The following ACKR3 variants were observed in gnomAD, a reference collection of about 807,000 sequenced individuals.
ACKR3 encodes C-X-C chemokine receptor type 7.
A neutral mutation model predicts 22.4 loss-of-function variants in ACKR3; 6 were observed. The observed-to-expected ratio is 0.27, with a 90% CI of 0.15 to 0.53. The LOEUF (loss-of-function observed/expected upper bound fraction) is 0.53. ACKR3 is among the 20% of genes least tolerant of loss of function. The pLI is 0.96. For synonymous variants in ACKR3, 209 were observed against 205.2 expected, an observed-to-expected ratio of 1.02 and a Z score of -0.16; for missense variants, 396 against 475.2, an observed-to-expected ratio of 0.83 and a Z score of 1.55.
rs182938898 is a variant in ACKR3, at chr2:236,582,354, A to T, written c.*800A>T. The T allele has an allele frequency of 6.0e-5, 10 of 166,942 alleles. No homozygotes were observed. Among genetic ancestry groups the T allele is most frequent in the Admixed American group, 5.9e-4 (9 of 15,302 alleles). The allele number at this position is 166,942 out of a possible 1,614,324, so 10.3% of individuals were successfully genotyped here. ...TAATAAAGATTTTTGTTTCCTAAAAATGCATCAAGTCTCAGTTTTCAAAGT... is the reference window on the plus strand; with the variant it reads ...TAATAAAGATTTTTGTTTCCTAAAATTGCATCAAGTCTCAGTTTTCAAAGT... On this transcript the variant is annotated 3_prime_UTR_variant, in exon 2 of 2. Coordinates refer to ENST00000272928, the MANE Select transcript of ACKR3 (RefSeq NM_020311.3).
At chr2:236,555,294 C>T in the ACKR3 span, among the ~76,000 whole-genome samples, 8 of 152,328 alleles carry the variant, frequency 5.3e-5, no homozygotes, top group South Asian at 2.1e-4. Context: ...ATCATGGGCA[C>T]GAGTACACTT....
chr2:236,541,849 C>T, the ACKR3 span, among the ~76,000 whole-genome samples: 2 of 152,214 alleles, frequency 1.3e-5, no homozygotes, highest in Non-Finnish European at 2.9e-5. Context: ...TGCACATGCT[C>T]TGTTGTCTGC....
upstream of ACKR3, among the ~76,000 whole-genome samples, chr2:236,567,036 A>G (rs1691200652): frequency 6.8e-6 from 1 of 146,944 alleles, no homozygotes; most frequent in South Asian, 2.1e-4. Flanking sequence ...ACAGAGTCTC[A>G]CTCTGTCACC....
chr2:236,571,554 G>A (rs1002968433), intron 1 of ACKR3, among the ~76,000 whole-genome samples: 2 of 148,608 alleles, frequency 1.3e-5, no homozygotes, highest in Non-Finnish European at 3.0e-5. Context: ...AGTCGTTGAA[G>A]CGTTGAGAAG....
intron 1 of ACKR3, among the ~76,000 whole-genome samples, chr2:236,575,572 GT>G: frequency 7.9e-6 from 1 of 126,312 alleles, no homozygotes; most frequent in Non-Finnish European, 1.6e-5. Context: ...TGTGTCTGGG[GT>G]TGTGCTGTGT....
the ACKR3 span, among the ~76,000 whole-genome samples, chr2:236,541,560 G>T: frequency 5.9e-5 from 9 of 152,176 alleles, no homozygotes; most frequent in African/African-American, 2.2e-4. Context: ...GGTTGCCTGT[G>T]TCCTAGCACA....
chr2:236,538,076 G>A, the ACKR3 span, among the ~76,000 whole-genome samples: 2 of 152,116 alleles, frequency 1.3e-5, no homozygotes, highest in East Asian at 3.9e-4. Context: ...GATTCAAAGA[G>A]GTTTTGTTTT....
the ACKR3 span, among the ~76,000 whole-genome samples, chr2:236,560,659 T>C: frequency 6.6e-6 from 1 of 152,238 alleles, no homozygotes; most frequent in Non-Finnish European, 1.5e-5. Flanking sequence ...ATTGTTTCCT[T>C]TGCTGTGCAG....
upstream of ACKR3, among the ~76,000 whole-genome samples, chr2:236,566,856 T>C (rs924480336): frequency 1.3e-5 from 2 of 151,434 alleles, no homozygotes; most frequent in African/African-American, 2.4e-5. Flanking sequence ...TTCTTTCTTT[T>C]CTTTCTTTCT....
At chr2:236,561,820 G>C in the ACKR3 span, among the ~76,000 whole-genome samples, 153 of 152,312 alleles carry the variant, frequency 1.0e-3, 1 homozygote, top group South Asian at 0.014. Flanking sequence ...TACTGAGTTT[G>C]TATTGTTCGG....
At chr2:236,557,803 T>C in the ACKR3 span, among the ~76,000 whole-genome samples, 1 of 152,224 alleles carries the variant, frequency 6.6e-6, no homozygotes, top group African/African-American at 2.4e-5. Context: ...CAAATTGGTG[T>C]TGGTGACCAC....
At chr2:236,549,458 G>A in the ACKR3 span, among the ~76,000 whole-genome samples, 1 of 152,234 alleles carries the variant, frequency 6.6e-6, no homozygotes, top group African/African-American at 2.4e-5. The surrounding 1 kb of genome is among the most constrained non-coding windows in gnomAD (Gnocchi z 5.3). Flanking sequence ...CTCACACAGT[G>A]AGGTGGCATG....
chr2:236,560,316 CTTTTTTTT>C, the ACKR3 span, among the ~76,000 whole-genome samples: 11 of 118,914 alleles, frequency 9.3e-5, no homozygotes, highest in Middle Eastern at 4.5e-3. Context: ...CACTTGTTGC[CTTTTTTTT>C]TTTTTTTTTT....
chr2:236,546,392 C>G, the ACKR3 span, among the ~76,000 whole-genome samples: 3 of 152,168 alleles, frequency 2.0e-5, no homozygotes, highest in East Asian at 3.8e-4. The surrounding 1 kb of genome is among the most constrained non-coding windows in gnomAD (Gnocchi z 4.9). Flanking sequence ...TCCACAAGGG[C>G]AGGGCTAGTT....
chr2:236,558,270 T>C, the ACKR3 span, among the ~76,000 whole-genome samples: 6 of 152,324 alleles, frequency 3.9e-5, no homozygotes, highest in Admixed American at 3.9e-4. Context: ...GCTAGTCATA[T>C]TTCCATCCAC....
the ACKR3 span, among the ~76,000 whole-genome samples, chr2:236,550,361 C>T: frequency 3.9e-5 from 6 of 152,208 alleles, no homozygotes; most frequent in Admixed American, 6.5e-5. The surrounding 1 kb of genome is among the most constrained non-coding windows in gnomAD (Gnocchi z 4.6). Context: ...CCAGTGTGCA[C>T]GCTGCTCACC....
chr2:236,566,863 TTCTC>T (rs375114667), upstream of ACKR3, among the ~76,000 whole-genome samples: 2 of 151,582 alleles, frequency 1.3e-5, no homozygotes, highest in South Asian at 2.1e-4. Flanking sequence ...TTTTCTTTCT[TTCTC>T]TCTCTGTCTT....
At chr2:236,576,891 G>A (rs1559472650) in intron 1 of ACKR3, among the ~76,000 whole-genome samples, 1 of 152,194 alleles carries the variant, frequency 6.6e-6, no homozygotes, top group Non-Finnish European at 1.5e-5. Context: ...TCTGTTTTTT[G>A]TTTTCTTTAG....
At position 236,580,868 on chromosome 2, in the gene ACKR3, C is replaced by T. The variant is rs747513102; in HGVS notation, c.403C>T (p.Leu135Phe). ...SINLFGSIFFLTCMSVDRYLS... is the reference protein window; with the variant it reads ...SINLFGSIFFFTCMSVDRYLS... ...CAACCTCTTCGGCAGCATTTTCTTC[C>T]TCACGTGCATGAGCGTGGACCGCTA... is the stretch of plus-strand genomic sequence containing the variant. The change falls in exon 2 of 2, where the codon CTC (leucine) becomes TTC (phenylalanine). Residue 135 changes from leucine (L) to phenylalanine (F), a missense_variant. Coordinates refer to ENST00000272928, the MANE Select transcript of ACKR3 (RefSeq NM_020311.3). 1.9e-6 allele frequency: 3 copies of T among 1,614,130 alleles called. No homozygotes were observed. The highest frequency in any genetic ancestry group is 1.1e-5 in the South Asian group (1 of 91,092).
Sources: gnomAD v4.1 joint callset for allele counts (sites outside exome capture counted in the v4.1 genomes callset) on GRCh38, gnomAD v4.1.1 for gene constraint, Gnocchi (gnomAD v3.1) non-coding constraint, MANE v1.5 for transcripts, NCBI Gene and HGNC (gene_info 2026-07-23, HGNC 2026-07-21) for gene names.